Variants in TOGARAM1 observed in about 807,000 individuals in gnomAD.
TOGARAM1 encodes the protein TOG array regulator of axonemal microtubules protein 1.
In TOGARAM1, 100 loss-of-function variants were observed where a neutral mutation model predicts 166.6. That is an observed-to-expected ratio of 0.60 (90% CI 0.51 to 0.71). The LOEUF (loss-of-function observed/expected upper bound fraction) is 0.71, where lower values mean the gene tolerates loss of function less well. Ranked by LOEUF, TOGARAM1 falls within the 30% of genes least tolerant of loss-of-function variation. TOGARAM1 has a pLI of 0.00. For synonymous variants in TOGARAM1, 758 were observed against 763.8 expected (o/e 0.99, Z 0.13); for missense variants, 2,029 against 2,102.7 (o/e 0.96, Z 0.69).
Position 44,981,276 on chromosome 14 carries a change from G to A in TOGARAM1, c.2047-14470G>A, listed in dbSNP as rs78592865. Among the ~76,000 whole-genome samples the A allele has an allele frequency of 8.9e-3, 1,359 of 152,314 alleles. 7 individuals carry two copies. Among genetic ancestry groups the A allele is most frequent in the Non-Finnish European group, 0.014 (971 of 68,024 alleles). The stretch of plus-strand genomic sequence containing the variant: ...AAGTAATTGCTAAAACTGTGAGAAT[G>A]GATGGGCTGTCCAGTGAATGACATA... On this transcript the variant is annotated intron_variant, in intron 1 of 19. Transcript: ENST00000361462.
intron 5 of TOGARAM1, chr14:45,007,863 TG>T (rs921383946): frequency 2.0e-5 from 3 of 152,128 alleles, no homozygotes; most frequent in African/African-American, 7.2e-5. Context: ...GTTTTTTGTT[TG>T]TGTGTGTGTT....
At position 44,965,494 on chromosome 14, in the gene TOGARAM1, G is replaced by T. The variant is rs74346360; in HGVS notation, c.2046+1027G>T. On this transcript the variant is annotated intron_variant, in intron 1 of 19. Coordinates refer to ENST00000361462, the MANE Select transcript of TOGARAM1 (RefSeq NM_001308120.2). ...AGAGTTTGGGGTAGTTTTGTAGAATGTCCCAAGTTTTACATTTATATGTTT... is the reference window on the plus strand; with the variant it reads ...AGAGTTTGGGGTAGTTTTGTAGAATTTCCCAAGTTTTACATTTATATGTTT... Among the ~76,000 whole-genome samples, 586 of 152,232 alleles carry T rather than the reference G, an allele frequency of 3.8e-3. 6 individuals are homozygous for T. Among genetic ancestry groups the T allele is most frequent in the African/African-American group, 0.013 (554 of 41,524 alleles).
intron 11 of TOGARAM1, among the ~76,000 whole-genome samples, chr14:45,035,700 G>C (rs1881389785): frequency 6.6e-6 from 1 of 152,158 alleles, no homozygotes; most frequent in Non-Finnish European, 1.5e-5. Flanking sequence ...ACAAAGATCA[G>C]ACTACTCATC....
intron 1 of TOGARAM1, among the ~76,000 whole-genome samples, chr14:44,972,265 T>C (rs1234950158): frequency 1.3e-5 from 2 of 151,898 alleles, no homozygotes; most frequent in African/African-American, 4.8e-5. Flanking sequence ...TTTGTTAAAG[T>C]GTGTGTGTGT....
intron 2 of TOGARAM1, among the ~76,000 whole-genome samples, chr14:44,999,091 GA>G (rs1462283589): frequency 6.6e-6 from 1 of 152,164 alleles, no homozygotes; most frequent in Non-Finnish European, 1.5e-5. Context: ...CTGAGAGAAA[GA>G]GTGTAGGAAG....
At chr14:45,068,352 T>C in intron 17 of TOGARAM1, 72 bp from the exon 18 acceptor site, 1 of 1,084,662 alleles carries the variant, frequency 9.2e-7, no homozygotes, top group Admixed American at 2.5e-5. Flanking sequence ...TATTATGACA[T>C]GCCAAGATAC....
chr14:45,043,272 G>A (rs1881818995), intron 11 of TOGARAM1, among the ~76,000 whole-genome samples: 1 of 151,988 alleles, frequency 6.6e-6, no homozygotes, highest in East Asian at 1.9e-4. Context: ...CCACCTCCCA[G>A]GTTTAAGTGA....
intron 18 of TOGARAM1, among the ~76,000 whole-genome samples, chr14:45,070,946 G>A (rs1378817071): frequency 2.0e-5 from 3 of 151,878 alleles, no homozygotes; most frequent in South Asian, 2.1e-4. Context: ...GTTTTGAGAC[G>A]GAGTCTCACT....
Position 45,066,519 on chromosome 14 carries a change from T to C in TOGARAM1, c.4560-59T>C, listed in dbSNP as rs1486424122. The stretch of plus-strand genomic sequence containing the variant: ...TAATGAGATTTTTAAATTATGTTTG[T>C]ATAATAGTTTTTATAGGAAAGTACA... On this transcript the variant is annotated intron_variant, in intron 16 of 19. Transcript: ENST00000361462. 16 of 1,406,678 alleles carry C rather than the reference T, an allele frequency of 1.1e-5. No individual in the cohort carries two copies. In the African/African-American group the frequency reaches 1.9e-4, roughly 16 times the overall value. The allele number at this position is 1,406,678 out of a possible 1,614,324, so 87.1% of individuals were successfully genotyped here.
At chr14:45,017,406 A>AAC (rs113544622) in intron 7 of TOGARAM1, among the ~76,000 whole-genome samples, 9,724 of 145,138 alleles carry the variant, frequency 0.067, 358 homozygotes, top group African/African-American at 0.093. Flanking sequence ...ATGCACACAA[A>AAC]ACACACACAC....
rs1254109860 is a variant in TOGARAM1 at position 44,967,566 on chromosome 14, A to C, written c.2046+3099A>C. Among the ~76,000 whole-genome samples, 9 of 152,218 alleles carry C rather than the reference A, an allele frequency of 5.9e-5. No individual in the cohort carries two copies. The East Asian group carries it at 1.7e-3, about 29-fold the overall frequency. ...ATGAATAGGAGCTTGCTAAGTGTGG[A>C]TAGGTCCCAGTGAATTTCAGACTAA... On this transcript the variant is annotated intron_variant, in intron 1 of 19. Transcript: ENST00000361462.
chr14:44,965,413 A>G (rs1325158864), intron 1 of TOGARAM1, among the ~76,000 whole-genome samples: 1 of 152,212 alleles, frequency 6.6e-6, no homozygotes, highest in Admixed American at 6.5e-5. Context: ...TTTATCTAGA[A>G]TAATATCCTA....
chr14:45,046,467 A>G lies in TOGARAM1; in HGVS notation c.4155-78A>G, dbSNP rs1882071422. The G allele has an allele frequency of 1.2e-5, 14 of 1,209,894 alleles. No individual in the cohort carries two copies. In the South Asian group the frequency reaches 5.0e-4, roughly 44 times the overall value. The allele number at this position is 1,209,894 out of a possible 1,614,324, so 74.9% of individuals were successfully genotyped here. Reference sequence around the variant, plus strand: ...CAAAACCAAAATACAAACAAACAAAAACAACCCATAGATCCATAGATCTTT... The same window carrying G: ...CAAAACCAAAATACAAACAAACAAAGACAACCCATAGATCCATAGATCTTT... On this transcript the variant is annotated intron_variant, in intron 13 of 19. Coordinates refer to ENST00000361462, the MANE Select transcript of TOGARAM1 (RefSeq NM_001308120.2).
At chr14:45,034,534 A>G (rs955442578) in intron 11 of TOGARAM1, among the ~76,000 whole-genome samples, 14 of 152,220 alleles carry the variant, frequency 9.2e-5, no homozygotes, top group African/African-American at 3.4e-4. Context: ...CAAAAAAGTT[A>G]CAAGGAACAA....
intron 11 of TOGARAM1, among the ~76,000 whole-genome samples, chr14:45,038,091 G>A (rs1227890920): frequency 1.3e-5 from 2 of 152,158 alleles, no homozygotes; most frequent in African/African-American, 2.4e-5. Flanking sequence ...ATTTTTAGTA[G>A]AGATGGGGTT....
intron 2 of TOGARAM1, chr14:44,997,369 G>GCA (rs1361685695): frequency 3.3e-5 from 4 of 120,112 alleles, no homozygotes; most frequent in Admixed American, 2.3e-4. Context: ...TCGCACCACT[G>GCA]CACTCCAGCC....
At chr14:44,993,544 C>G (rs2138801971) in intron 1 of TOGARAM1, among the ~76,000 whole-genome samples, 1 of 152,182 alleles carries the variant, frequency 6.6e-6, no homozygotes, top group East Asian at 1.9e-4. Context: ...TAACTCACAA[C>G]TCTTTCAAAA....
At chr14:44,999,053 C>A (rs981999894) in intron 2 of TOGARAM1, among the ~76,000 whole-genome samples, 1 of 152,160 alleles carries the variant, frequency 6.6e-6, no homozygotes, top group Non-Finnish European at 1.5e-5. Context: ...GGGAAGAAAG[C>A]AAGCCAGGTC....
At position 44,970,171 on chromosome 14, in the gene TOGARAM1, A is replaced by G. The variant is rs73348284; in HGVS notation, c.2046+5704A>G. On this transcript the variant is annotated intron_variant, in intron 1 of 19. Transcript: ENST00000361462. ...CAATATTGAGTCTTCCTATCCACAA[A>G]CATGGATTATCTCTTCATTTATTTA... is the stretch of plus-strand genomic sequence containing the variant. Among the ~76,000 whole-genome samples, 802 of 152,290 alleles carry G rather than the reference A, an allele frequency of 5.3e-3. 8 individuals are homozygous for G. Among genetic ancestry groups the G allele is most frequent in the African/African-American group, 0.017 (707 of 41,568 alleles).
Sources: allele counts gnomAD v4.1 joint callset (sites outside exome capture counted in the v4.1 genomes callset), GRCh38; gene constraint gnomAD v4.1.1; transcripts MANE v1.5; gene names NCBI Gene and HGNC (gene_info 2026-07-23, HGNC 2026-07-21).